Variants in AGBL1 observed in about 807,000 individuals in gnomAD.
The protein encoded by AGBL1 is AGBL carboxypeptidase 1, also known as cytosolic carboxypeptidase 4.
AGBL1 carries 130 observed loss-of-function variants against 118.9 expected under a neutral mutation model. That is an observed-to-expected ratio of 1.09 (90% CI 0.95 to 1.26). The LOEUF (loss-of-function observed/expected upper bound fraction) is 1.26, where lower values mean the gene tolerates loss of function less well. Among genes scored for constraint, AGBL1 ranks in the 50% most tolerant of loss-of-function variants. The probability of loss-of-function intolerance (pLI) is 0.00; values close to 1 mark genes in which losing one functional copy is unlikely to be tolerated. For synonymous variants in AGBL1, 555 were observed against 478.9 expected (o/e 1.16, Z -2.08); for missense variants, 1,584 against 1,298.1 (o/e 1.22, Z -3.38).
intron 22 of AGBL1, among the ~76,000 whole-genome samples, chr15:86,831,235 C>T (rs1266985665): frequency 6.6e-6 from 1 of 152,154 alleles, no homozygotes; most frequent in East Asian, 1.9e-4. Context: ...TGGGTGCAGA[C>T]AGAGCCAAAC....
chr15:86,938,989 C>T (rs2080712429), intron 23 of AGBL1: 1 of 152,188 alleles, frequency 6.6e-6, no homozygotes, highest in Non-Finnish European at 1.5e-5. Flanking sequence ...TGGGGGTGAC[C>T]CACATTCACT....
intron 23 of AGBL1, among the ~76,000 whole-genome samples, chr15:86,930,974 C>G (rs1237479034): frequency 1.3e-5 from 2 of 152,088 alleles, no homozygotes; most frequent in Non-Finnish European, 2.9e-5. Flanking sequence ...AAACCCAGAC[C>G]CCCACCAAAC....
At chr15:86,158,868 C>A in intron 4 of AGBL1, 65 bp from the exon 5 acceptor site, 1 of 1,434,756 alleles carries the variant, frequency 7.0e-7, no homozygotes, top group South Asian at 1.2e-5. Flanking sequence ...GGAGTCAATC[C>A]AAGTTGTCTT....
At chr15:86,715,744 T>C (rs1433725707) in intron 22 of AGBL1, among the ~76,000 whole-genome samples, 1 of 152,138 alleles carries the variant, frequency 6.6e-6, no homozygotes, top group Non-Finnish European at 1.5e-5. Context: ...TGAGTTTTAA[T>C]TGATTAGTTT....
chr15:86,695,004 T>G (rs574913253), intron 22 of AGBL1, among the ~76,000 whole-genome samples: 151 of 152,236 alleles, frequency 9.9e-4, no homozygotes, highest in Middle Eastern at 3.4e-3. Context: ...GCTAGTATTT[T>G]GTTAAGAATT....
chr15:86,200,247 C>T (rs2077881542), intron 5 of AGBL1, among the ~76,000 whole-genome samples: 1 of 152,066 alleles, frequency 6.6e-6, no homozygotes, highest in Non-Finnish European at 1.5e-5. Context: ...AGCACATATA[C>T]ATAAAAAAAG....
intron 24 of AGBL1, among the ~76,000 whole-genome samples, chr15:87,009,379 T>A (rs569518936): frequency 6.6e-6 from 1 of 152,280 alleles, no homozygotes; most frequent in Admixed American, 6.5e-5. Flanking sequence ...AGAATTGAGG[T>A]TTGGGATCCT....
intron 21 of AGBL1, chr15:86,556,424 C>T: frequency 1.5e-6 from 1 of 673,504 alleles, no homozygotes; most frequent in Non-Finnish European, 2.6e-6. Context: ...ATCCCATTCT[C>T]TATATGAAAA....
intron 6 of AGBL1, among the ~76,000 whole-genome samples, chr15:86,238,269 T>C (rs1254549582): frequency 1.3e-5 from 2 of 152,270 alleles, no homozygotes; most frequent in Non-Finnish European, 2.9e-5. Flanking sequence ...AGGCTTTCTC[T>C]ATTTCATTTT....
intron 17 of AGBL1, among the ~76,000 whole-genome samples, chr15:86,364,371 A>G (rs1029343286): frequency 1.3e-5 from 2 of 152,186 alleles, no homozygotes; most frequent in African/African-American, 4.8e-5. Flanking sequence ...AGTTACATTA[A>G]TTATGTGCTA....
intron 3 of AGBL1, among the ~76,000 whole-genome samples, chr15:86,153,876 A>T (rs946961972): frequency 1.3e-5 from 2 of 152,122 alleles, no homozygotes; most frequent in African/African-American, 4.8e-5. Flanking sequence ...TTCTTCCTAA[A>T]TCCTTTCAAG....
intron 22 of AGBL1, among the ~76,000 whole-genome samples, chr15:86,700,322 C>T (rs2142640813): frequency 6.6e-6 from 1 of 152,076 alleles, no homozygotes; most frequent in African/African-American, 2.4e-5. Context: ...TTTTCTGGCA[C>T]AGCAGTATGT....
At chr15:86,107,000 C>A (rs577503343) in intron 1 of AGBL1, among the ~76,000 whole-genome samples, 1 of 152,248 alleles carries the variant, frequency 6.6e-6, no homozygotes, top group South Asian at 2.1e-4. Flanking sequence ...ATATGAGTGA[C>A]ACACGCCTGG....
At position 86,154,529 on chromosome 15, in the gene AGBL1, G is replaced by C; in HGVS notation, c.362G>C (p.Cys121Ser). 2 of 1,612,264 alleles carry C rather than the reference G, an allele frequency of 1.2e-6. No homozygotes were observed. Among genetic ancestry groups the C allele is most frequent in the Non-Finnish European group, 1.7e-6 (2 of 1,179,054 alleles). Reference sequence around the variant, plus strand: ...TCCCATGGCCAGAATCTCCTCCACTGTCTCTGGGCTCTGCGTGTGTTTGCC... The same window carrying C: ...TCCCATGGCCAGAATCTCCTCCACTCTCTCTGGGCTCTGCGTGTGTTTGCC... ...NLSHGQNLLHCLWALRVFASS... is the reference protein window; with the variant it reads ...NLSHGQNLLHSLWALRVFASS... Residue 121 changes from cysteine to serine, a missense_variant, in exon 4 of 23, where the codon TGT becomes TCT. Transcript: ENST00000614907.
intron 5 of AGBL1, among the ~76,000 whole-genome samples, chr15:86,161,259 C>A (rs1015017792): frequency 6.6e-6 from 1 of 152,186 alleles, no homozygotes; most frequent in Non-Finnish European, 1.5e-5. Context: ...AGGAAAGAGG[C>A]TTTTCCACCA....
chr15:86,239,555 G>T (rs976322938), intron 6 of AGBL1, among the ~76,000 whole-genome samples: 10 of 142,276 alleles, frequency 7.0e-5, no homozygotes, highest in Non-Finnish European at 1.3e-4. Context: ...TGACATTGCT[G>T]GGCCGGCCTC....
chr15:86,749,262 C>G (rs1172635853), intron 22 of AGBL1, among the ~76,000 whole-genome samples: 1 of 152,142 alleles, frequency 6.6e-6, no homozygotes, highest in African/African-American at 2.4e-5. Flanking sequence ...ATTGTATTCT[C>G]TTTGAAGCAG....
rs192942349 is a variant in AGBL1 at position 86,093,163 on chromosome 15, C to A, written c.51+13140C>A. Among the ~76,000 whole-genome samples, 187 of 152,224 alleles carry A rather than the reference C, an allele frequency of 1.2e-3. 1 individual carries two copies. The South Asian group carries it at 0.015, about 12-fold the overall frequency. ...GGGCTGAGACCTGAAGGACTGCTCT[C>A]TAGAAGTTAAAGTGAACCACACACA... On this transcript the variant is annotated intron_variant, in intron 1 of 22. Coordinates refer to ENST00000614907, the MANE Select transcript of AGBL1 (RefSeq NM_001386094.1).
intron 22 of AGBL1, among the ~76,000 whole-genome samples, chr15:86,794,966 C>G (rs1291624522): frequency 6.6e-6 from 1 of 152,120 alleles, no homozygotes; most frequent in Non-Finnish European, 1.5e-5. Flanking sequence ...CCGGGGGGAC[C>G]AGCACCTGTC....
Sources: gnomAD v4.1 joint callset for allele counts (sites outside exome capture counted in the v4.1 genomes callset) on GRCh38, gnomAD v4.1.1 for gene constraint, MANE v1.5 for transcripts, NCBI Gene and HGNC (gene_info 2026-07-23, HGNC 2026-07-21) for gene names.